Variants in ZNF521 observed in about 807,000 individuals in gnomAD.
The protein encoded by ZNF521 is LYST-interacting protein 3.
Under a neutral mutation model 105.5 loss-of-function variants are expected in ZNF521, and 14 were observed. The ratio of observed to expected loss-of-function variants is 0.13; its 90% CI spans 0.09 to 0.21. The LOEUF is 0.21. Ranked by LOEUF, ZNF521 falls within the 10% of genes least tolerant of loss-of-function variation. The pLI is 1.00. For synonymous variants in ZNF521, 635 were observed against 606.0 expected (o/e 1.05, Z -0.70); for missense variants, 1,233 against 1,629.7 (o/e 0.76, Z 4.19).
chr18:25,248,669 T>A (rs1313369875), intron 3 of ZNF521, among the ~76,000 whole-genome samples: 1 of 152,208 alleles, frequency 6.6e-6, no homozygotes, highest in African/African-American at 2.4e-5. Flanking sequence ...CTTACTTAAT[T>A]AGTCATTAAT....
intron 7 of ZNF521, among the ~76,000 whole-genome samples, chr18:25,083,815 G>T (rs1368625823): frequency 6.6e-6 from 1 of 151,624 alleles, no homozygotes; most frequent in Non-Finnish European, 1.5e-5. Flanking sequence ...TGTCGCCCAG[G>T]CTGGAGTGCA....
At chr18:25,080,787 A>T (rs1371248160) in intron 7 of ZNF521, among the ~76,000 whole-genome samples, 8 of 152,244 alleles carry the variant, frequency 5.3e-5, no homozygotes, top group Admixed American at 5.2e-4. Context: ...GTTTGTAAAC[A>T]TAAAGGGTCT....
intron 3 of ZNF521, among the ~76,000 whole-genome samples, chr18:25,240,080 G>A (rs1363506154): frequency 1.3e-5 from 2 of 152,110 alleles, no homozygotes; most frequent in Admixed American, 1.3e-4. Flanking sequence ...ACAAATGATA[G>A]TGTAAGTCAA....
At chr18:25,073,447 T>C (rs2033274869) in intron 7 of ZNF521, among the ~76,000 whole-genome samples, 2 of 152,224 alleles carry the variant, frequency 1.3e-5, no homozygotes, top group Non-Finnish European at 2.9e-5. Context: ...CATCATTTAC[T>C]TCACTTCCGT....
At chr18:25,118,836 T>C (rs541067382) in intron 5 of ZNF521, among the ~76,000 whole-genome samples, 1 of 152,122 alleles carries the variant, frequency 6.6e-6, no homozygotes, top group South Asian at 2.1e-4. Flanking sequence ...AGAAAGATTG[T>C]CAGAATGAAT....
At position 25,108,629 on chromosome 18, in the gene ZNF521, A is replaced by G. The variant is rs150826494; in HGVS notation, c.3659-16548T>C. ...CAATAGAGCTATGGTTAGAAATTTG[A>G]TATTTCTTTTTCTGAGACAGAGTCT... On this transcript the variant is annotated intron_variant, in intron 5 of 7. Coordinates refer to ENST00000361524, the MANE Select transcript of ZNF521 (RefSeq NM_015461.3). Among the ~76,000 whole-genome samples the G allele has an allele frequency of 3.1e-3, 473 of 152,140 alleles. 5 individuals carry two copies. Among genetic ancestry groups the G allele is most frequent in the African/African-American group, 0.011 (442 of 41,510 alleles).
rs138176877 is a variant in ZNF521, at chr18:25,176,765, G to A, written c.3658+18395C>T. ...TTACACCAGCTTGCCCAAGTCGGCC[G>A]CCCCGGTGTTGCTTTCCTTACAGAA... On this transcript the variant is annotated intron_variant, in intron 5 of 7. Transcript: ENST00000361524. 2.3e-4 allele frequency among the ~76,000 whole-genome samples: 35 copies of A among 152,310 alleles called. 1 individual carries two copies. The highest frequency in any genetic ancestry group is 7.7e-4 in the African/African-American group (32 of 41,568).
At chr18:25,131,889 G>T (rs751783557) in intron 5 of ZNF521, among the ~76,000 whole-genome samples, 1 of 152,096 alleles carries the variant, frequency 6.6e-6, no homozygotes, top group Non-Finnish European at 1.5e-5. Context: ...TTAACTTCTT[G>T]TTGACATCAC....
chr18:25,284,011 T>C (rs965490688), intron 3 of ZNF521, among the ~76,000 whole-genome samples: 1 of 150,584 alleles, frequency 6.6e-6, no homozygotes, highest in Non-Finnish European at 1.5e-5. Flanking sequence ...CCTCCTTGTC[T>C]TTGTCTGCAA....
intron 2 of ZNF521, among the ~76,000 whole-genome samples, chr18:25,348,437 T>A (rs543409670): frequency 5.3e-5 from 8 of 152,286 alleles, no homozygotes; most frequent in Admixed American, 5.2e-4. Flanking sequence ...TTGGTATAGC[T>A]CATCTACATA....
intron 5 of ZNF521, among the ~76,000 whole-genome samples, chr18:25,117,239 G>A (rs11874269): frequency 0.5 from 75,130 of 151,164 alleles, 18,925 homozygotes; most frequent in South Asian, 0.65. Flanking sequence ...CTCTCTCTCT[G>A]TATAAATAGA....
intron 5 of ZNF521, among the ~76,000 whole-genome samples, chr18:25,106,696 A>G (rs970196060): frequency 6.6e-6 from 1 of 152,170 alleles, no homozygotes; most frequent in Non-Finnish European, 1.5e-5. Flanking sequence ...TTAATTTCTG[A>G]TGAATGCTCA....
chr18:25,093,996 T>C (rs1279592175), intron 5 of ZNF521, among the ~76,000 whole-genome samples: 1 of 152,230 alleles, frequency 6.6e-6, no homozygotes, highest in Non-Finnish European at 1.5e-5. Flanking sequence ...TAATGCTACA[T>C]ACCTTTATTT....
At chr18:25,132,014 A>T (rs2034650097) in intron 5 of ZNF521, among the ~76,000 whole-genome samples, 1 of 152,144 alleles carries the variant, frequency 6.6e-6, no homozygotes, top group Non-Finnish European at 1.5e-5. Flanking sequence ...TAAAAGTTAC[A>T]CATACTTATT....
At chr18:25,246,581 T>C (rs1222905169) in intron 3 of ZNF521, among the ~76,000 whole-genome samples, 2 of 152,252 alleles carry the variant, frequency 1.3e-5, no homozygotes, top group Non-Finnish European at 2.9e-5. Flanking sequence ...ATTCAGTTAC[T>C]GCTTTGGGCT....
intron 3 of ZNF521, chr18:25,302,128 A>C (rs916775078): frequency 6.6e-6 from 1 of 151,958 alleles, no homozygotes; most frequent in South Asian, 2.1e-4. Context: ...AATCCAATTG[A>C]AAAGCTCTTA....
At chr18:25,171,008 T>C (rs1441176131) in intron 5 of ZNF521, among the ~76,000 whole-genome samples, 1 of 152,158 alleles carries the variant, frequency 6.6e-6, no homozygotes, top group African/African-American at 2.4e-5. Flanking sequence ...TGTGGCATAC[T>C]GTCTATATCA....
chr18:25,342,414 T>A (rs1391798702), intron 2 of ZNF521, among the ~76,000 whole-genome samples: 1 of 85,600 alleles, frequency 1.2e-5, no homozygotes, highest in Non-Finnish European at 2.7e-5. Context: ...CTTTGTTTTT[T>A]TTTTGTTTGT....
At chr18:25,315,698 G>C (rs1912567584) in intron 3 of ZNF521, 1 of 152,104 alleles carries the variant, frequency 6.6e-6, no homozygotes, top group African/African-American at 2.4e-5. Context: ...ATCTCCAAAG[G>C]CTTCGTTTGG....
Sources: gnomAD v4.1 joint callset for allele counts (sites outside exome capture counted in the v4.1 genomes callset) on GRCh38, gnomAD v4.1.1 for gene constraint, MANE v1.5 for transcripts, NCBI Gene and HGNC (gene_info 2026-07-23, HGNC 2026-07-21) for gene names.